PTPRD: variants seen among roughly 807,000 people sequenced by gnomAD.
PTPRD encodes the protein protein tyrosine phosphatase receptor type D.
In PTPRD, 34 loss-of-function variants were observed where a neutral mutation model predicts 214.5. The ratio of observed to expected loss-of-function variants is 0.16; its 90% confidence interval spans 0.12 to 0.21. The LOEUF is 0.21. PTPRD is among the 10% of genes least tolerant of loss of function. The pLI is 1.00. For missense variants in PTPRD, 2,545 were observed against 2,398.7 expected (o/e 1.06, Z -1.27); for synonymous variants, 1,128 against 845.7 (o/e 1.33, Z -5.79).
intron 11 of PTPRD, among the ~76,000 whole-genome samples, chr9:8,759,727 T>C (rs1426801460): frequency 1.3e-5 from 2 of 152,034 alleles, no homozygotes; most frequent in African/African-American, 4.8e-5. Flanking sequence ...CAAGACTATA[T>C]CTTCTTCCTT....
intron 9 of PTPRD, among the ~76,000 whole-genome samples, chr9:9,191,890 C>G (rs1462762428): frequency 6.6e-6 from 1 of 152,002 alleles, no homozygotes; most frequent in East Asian, 1.9e-4. Flanking sequence ...TTTTGTGTCT[C>G]TTTGATTTTT....
Position 8,485,955 on chromosome 9 carries a change from A to G in PTPRD, c.2862T>C (p.Tyr954=), listed in dbSNP as rs2135930567. ...TGTTGATATCCCTATAAAGAAGGGTATACTTGGTGATAATGCCATTTCTCT... is the reference window on the plus strand; with the variant it reads ...TGTTGATATCCCTATAAAGAAGGGTGTACTTGGTGATAATGCCATTTCTCT... ...LAERNGIITK[Y]TLLYRDINIP... The change falls in exon 28 of 46, where the codon TAT becomes TAC. Residue 954 remains tyrosine (Y), a synonymous_variant. Coordinates refer to ENST00000381196, the MANE Select transcript of PTPRD (RefSeq NM_002839.4). 1 of 1,614,190 alleles carries G rather than the reference A, an allele frequency of 6.2e-7. No homozygotes were observed. Among genetic ancestry groups the G allele is most frequent in the Non-Finnish European group, 8.5e-7 (1 of 1,180,028 alleles).
intron 9 of PTPRD, among the ~76,000 whole-genome samples, chr9:9,336,815 T>C (rs902398707): frequency 6.6e-6 from 1 of 152,188 alleles, no homozygotes. Flanking sequence ...TATTAAATTA[T>C]TTGACTTTAA....
At chr9:8,735,138 G>GTTTTTTTTTTT (rs756286581) in intron 11 of PTPRD, among the ~76,000 whole-genome samples, 26 of 125,986 alleles carry the variant, frequency 2.1e-4, no homozygotes, top group African/African-American at 2.5e-4. Flanking sequence ...GTTTTTTTTT[G>GTTTTTTTTTTT]TTTTTTTTTT....
intron 12 of PTPRD, among the ~76,000 whole-genome samples, chr9:8,703,304 C>T (rs183428213): frequency 6.6e-6 from 1 of 152,292 alleles, no homozygotes; most frequent in East Asian, 1.9e-4. Context: ...TATGATATTA[C>T]ATAAAAAATA....
intron 5 of PTPRD, among the ~76,000 whole-genome samples, chr9:9,833,070 A>G (rs2055453153): frequency 6.6e-6 from 1 of 152,050 alleles, no homozygotes; most frequent in Admixed American, 6.6e-5. Flanking sequence ...CCTGACAAAC[A>G]TAGAACCTCT....
chr9:8,827,202 TC>T (rs2097193539), intron 11 of PTPRD, among the ~76,000 whole-genome samples: 1 of 152,108 alleles, frequency 6.6e-6, no homozygotes, highest in African/African-American at 2.4e-5. Flanking sequence ...CTAACTAAGC[TC>T]ACTGAGGGTA....
chr9:10,065,182 A>AGAAAGAAAGAAAGAAG (rs1202625301), intron 3 of PTPRD, among the ~76,000 whole-genome samples: 2 of 151,832 alleles, frequency 1.3e-5, no homozygotes, highest in Non-Finnish European at 2.9e-5. Flanking sequence ...AAAGAAAGAA[A>AGAAAGAAAGAAAGAAG]GAAAGAAAGA....
At chr9:9,942,592 A>G (rs1186371457) in intron 4 of PTPRD, among the ~76,000 whole-genome samples, 1 of 152,104 alleles carries the variant, frequency 6.6e-6, no homozygotes, top group Non-Finnish European at 1.5e-5. Context: ...GAATCAAACT[A>G]ATTTGTGCTT....
chr9:10,398,653 A>G (rs1355678902), intron 2 of PTPRD, among the ~76,000 whole-genome samples: 1 of 151,974 alleles, frequency 6.6e-6, no homozygotes, highest in Admixed American at 6.6e-5. Flanking sequence ...TATATTTCCA[A>G]CTAACTTCAC....
intron 10 of PTPRD, among the ~76,000 whole-genome samples, chr9:9,134,602 A>T (rs1413164457): frequency 6.6e-6 from 1 of 152,100 alleles, no homozygotes; most frequent in African/African-American, 2.4e-5. Context: ...CGAGAGTAAA[A>T]ATTTAGGTAT....
At chr9:9,713,593 T>C (rs1257105013) in intron 7 of PTPRD, among the ~76,000 whole-genome samples, 2 of 152,298 alleles carry the variant, frequency 1.3e-5, no homozygotes, top group African/African-American at 2.4e-5. Context: ...TGAGACATTA[T>C]GCAAGAAGCA....
At chr9:8,498,217 TG>T (rs1225341608) in intron 25 of PTPRD, among the ~76,000 whole-genome samples, 1 of 152,174 alleles carries the variant, frequency 6.6e-6, no homozygotes, top group Non-Finnish European at 1.5e-5. Flanking sequence ...ATTAAGACTT[TG>T]GGGGTAAGTA....
chr9:10,026,680 T>C (rs1261299860), intron 4 of PTPRD, among the ~76,000 whole-genome samples: 3 of 152,056 alleles, frequency 2.0e-5, no homozygotes, highest in Non-Finnish European at 4.4e-5. Context: ...AACAGCAAAA[T>C]CTGAACCTCC....
intron 8 of PTPRD, among the ~76,000 whole-genome samples, chr9:9,511,544 G>A (rs550154681): frequency 1.3e-5 from 2 of 151,716 alleles, no homozygotes; most frequent in Admixed American, 1.3e-4. Flanking sequence ...TCAAGCAAAA[G>A]GAAGGATTTT....
chr9:8,975,468 T>C (rs924757776), intron 11 of PTPRD, among the ~76,000 whole-genome samples: 3 of 152,080 alleles, frequency 2.0e-5, no homozygotes, highest in Non-Finnish European at 4.4e-5. Context: ...AAAAGGAAGA[T>C]CTACCTTGTC....
At chr9:9,134,859 C>T (rs924750140) in intron 10 of PTPRD, among the ~76,000 whole-genome samples, 5 of 151,762 alleles carry the variant, frequency 3.3e-5, no homozygotes, top group East Asian at 1.9e-4. Context: ...AAAACACTGC[C>T]GGGTACATTG....
chr9:10,291,623 G>A (rs534999497), intron 3 of PTPRD, among the ~76,000 whole-genome samples: 45 of 147,322 alleles, frequency 3.1e-4, no homozygotes, highest in Admixed American at 2.7e-4. Flanking sequence ...GCCAAGAAAC[G>A]CAGGTCTAGA....
chr9:8,636,168 T>C (rs923408070), intron 13 of PTPRD, among the ~76,000 whole-genome samples: 11 of 152,308 alleles, frequency 7.2e-5, no homozygotes, highest in African/African-American at 2.4e-4. Flanking sequence ...CCCATTCTTC[T>C]TGATAACGAG....
Sources: gnomAD v4.1 joint callset for allele counts (sites outside exome capture counted in the v4.1 genomes callset) on GRCh38, gnomAD v4.1.1 for gene constraint, MANE v1.5 for transcripts, NCBI Gene and HGNC (gene_info 2026-07-23, HGNC 2026-07-21) for gene names.